DLC1: variants seen among roughly 807,000 people sequenced by gnomAD.
DLC1 encodes the protein rho GTPase-activating protein 7.
DLC1 carries 54 observed loss-of-function variants against 140.3 expected under a neutral mutation model. The observed-to-expected ratio is 0.38, with a 90% confidence interval of 0.31 to 0.48. The LOEUF (loss-of-function observed/expected upper bound fraction) is 0.48, where lower values mean the gene tolerates loss of function less well. Among genes scored for constraint, DLC1 ranks in the 20% least tolerant of loss-of-function variants. The probability of loss-of-function intolerance (pLI) is 0.96; values close to 1 mark genes in which losing one functional copy is unlikely to be tolerated. For missense variants in DLC1, 2,536 were observed against 1,907.0 expected, an observed-to-expected ratio of 1.33 and a Z score of -6.14; for synonymous variants, 986 against 728.1, an observed-to-expected ratio of 1.35 and a Z score of -5.70.
At chr8:13,597,798 G>A (rs1453707131) in intron 1 of DLC1, among the ~76,000 whole-genome samples, 5 of 152,088 alleles carry the variant, frequency 3.3e-5, no homozygotes, top group Non-Finnish European at 7.4e-5. Flanking sequence ...TAACTGCACA[G>A]AAGGACTGAG....
At chr8:13,360,565 G>C (rs1422193249) in intron 4 of DLC1, among the ~76,000 whole-genome samples, 1 of 152,104 alleles carries the variant, frequency 6.6e-6, no homozygotes. Flanking sequence ...CTTGGGCATT[G>C]GGATTGTTAT....
chr8:13,117,999 T>C (rs1285698330), intron 5 of DLC1, among the ~76,000 whole-genome samples: 1 of 122,092 alleles, frequency 8.2e-6, no homozygotes, highest in African/African-American at 2.8e-5. Context: ...CTTCTTGTTC[T>C]CTTTCTTTTT....
At chr8:13,397,704 T>C (rs148188258) in intron 3 of DLC1, among the ~76,000 whole-genome samples, 1 of 151,262 alleles carries the variant, frequency 6.6e-6, no homozygotes, top group East Asian at 1.9e-4. Flanking sequence ...GGCATGGTAA[T>C]GTGCGCTTGT....
chr8:13,587,886 C>G lies in DLC1; in HGVS notation c.-126+16651G>C, dbSNP rs1326907928. On this transcript the variant is annotated intron_variant, in intron 1 of 1. Coordinates refer to the DLC1 transcript ENST00000631382. ...CCCCAATTACTATAACTTTCTCACC[C>G]TTCCCCTCATGGCAGTATGATTTTA... Among the ~76,000 whole-genome samples, 7 of 151,946 alleles carry G rather than the reference C, an allele frequency of 4.6e-5. No individual in the cohort carries two copies. In the East Asian group the frequency reaches 1.3e-3, roughly 29 times the overall value.
intron 4 of DLC1, among the ~76,000 whole-genome samples, chr8:13,372,946 A>G: frequency 6.6e-6 from 1 of 152,206 alleles, no homozygotes. Context: ...GTTGGCTCAG[A>G]GAACAGCAGC....
intron 4 of DLC1, among the ~76,000 whole-genome samples, chr8:13,348,685 A>G (rs1019994895): frequency 2.0e-5 from 3 of 152,224 alleles, no homozygotes; most frequent in Admixed American, 6.5e-5. Flanking sequence ...AAGCCCTCTC[A>G]AAACACATTA....
chr8:13,439,538 A>C (rs940036590), intron 2 of DLC1, among the ~76,000 whole-genome samples: 4 of 152,070 alleles, frequency 2.6e-5, no homozygotes, highest in Admixed American at 2.6e-4. Context: ...CCAATTTCAA[A>C]TGCAATTAGT....
At position 13,286,020 on chromosome 8, in the gene DLC1, C is replaced by T. The variant is rs1011884617; in HGVS notation, c.1348+19249G>A. 3.3e-5 allele frequency among the ~76,000 whole-genome samples: 5 copies of T among 151,982 alleles called. No homozygotes were observed. In the South Asian group the frequency reaches 6.2e-4, roughly 19 times the overall value. On this transcript the variant is annotated intron_variant, in intron 5 of 17. Transcript: ENST00000276297. ...GGGAAATATTTGCACAATAAATATG[C>T]AATACAGTGTTATTATCTGTAATAA... is the stretch of plus-strand genomic sequence containing the variant.
intron 6 of DLC1, among the ~76,000 whole-genome samples, chr8:13,112,738 G>A (rs1585659410): frequency 6.6e-6 from 1 of 152,010 alleles, no homozygotes; most frequent in South Asian, 2.1e-4. Flanking sequence ...ATAGAGATGC[G>A]ATCTCACTAC....
intron 5 of DLC1, among the ~76,000 whole-genome samples, chr8:13,290,982 C>T (rs1831734087): frequency 1.3e-5 from 2 of 152,282 alleles, no homozygotes; most frequent in African/African-American, 4.8e-5. Context: ...GATCTTGGCT[C>T]CCTGCAACCT....
intron 4 of DLC1, among the ~76,000 whole-genome samples, chr8:13,327,120 ATTTTTTTTTTTT>A (rs34667525): frequency 7.0e-5 from 6 of 85,636 alleles, no homozygotes; most frequent in African/African-American, 2.6e-4. Flanking sequence ...ACACCCGGCT[ATTTTTTTTTTTT>A]TTTTTTTTTT....
chr8:13,150,190 G>A (rs999514770), intron 5 of DLC1, among the ~76,000 whole-genome samples: 4 of 152,174 alleles, frequency 2.6e-5, no homozygotes, highest in Non-Finnish European at 5.9e-5. Flanking sequence ...GGTTGCGTCT[G>A]GGGAGGCCCT....
At chr8:13,393,367 G>A (rs1181625951) in intron 4 of DLC1, among the ~76,000 whole-genome samples, 186 bp downstream of exon 4, 1 of 152,288 alleles carries the variant, frequency 6.6e-6, no homozygotes, top group East Asian at 1.9e-4. Flanking sequence ...TGAAGTACTT[G>A]TGTTATCATT....
intron 4 of DLC1, among the ~76,000 whole-genome samples, chr8:13,313,208 G>C (rs56333040): frequency 0.057 from 8,734 of 152,100 alleles, 369 homozygotes; most frequent in Non-Finnish European, 0.091. Flanking sequence ...AATGTGCTCT[G>C]AACACGAGGA....
intron 4 of DLC1, among the ~76,000 whole-genome samples, chr8:13,322,464 C>A (rs990910015): frequency 7.2e-6 from 1 of 138,938 alleles, no homozygotes; most frequent in Non-Finnish European, 1.5e-5. Context: ...TTACTTATAA[C>A]CTTGGATTTC....
chr8:13,148,606 A>T (rs972059523), intron 5 of DLC1, among the ~76,000 whole-genome samples: 1 of 152,122 alleles, frequency 6.6e-6, no homozygotes, highest in Non-Finnish European at 1.5e-5. Flanking sequence ...CAAATGGGAC[A>T]CAGGCATGCT....
In DLC1 at chr8:13,095,092, C is replaced by G. The variant is rs768862470; in HGVS notation, c.3321G>C (p.Leu1107Phe). 3 of 1,614,262 alleles carry G rather than the reference C, an allele frequency of 1.9e-6. No individual in the cohort carries two copies. Among genetic ancestry groups the G allele is most frequent in the Non-Finnish European group, 2.5e-6 (3 of 1,180,048 alleles). The change falls in exon 11 of 18, where the codon TTG (leucine) becomes TTC (phenylalanine). Residue 1107 changes from leucine (L) to phenylalanine (F), a missense_variant. Transcript: ENST00000276297. ...QAMRYLRNHCLDQVGLFRKSG... is the reference protein window; with the variant it reads ...QAMRYLRNHCFDQVGLFRKSG... ...CCGCAGGCAGCGCTCTCACCTGATC[C>G]AAACAATGGTTCCGGAGGTATCGCA...
At chr8:13,186,230 TC>T (rs1189901233) in intron 5 of DLC1, among the ~76,000 whole-genome samples, 2 of 152,206 alleles carry the variant, frequency 1.3e-5, no homozygotes, top group African/African-American at 4.8e-5. Flanking sequence ...CTGGATAATA[TC>T]CTGAAGAGTG....
intron 4 of DLC1, chr8:13,340,505 C>T (rs1375685085): frequency 6.6e-6 from 1 of 152,164 alleles, no homozygotes; most frequent in African/African-American, 2.4e-5. Flanking sequence ...CTGGCCTCAT[C>T]TTTAATTTTT....
Sources: gnomAD v4.1 joint callset for allele counts (sites outside exome capture counted in the v4.1 genomes callset) on GRCh38, gnomAD v4.1.1 for gene constraint, MANE v1.5 for transcripts, NCBI Gene and HGNC (gene_info 2026-07-23, HGNC 2026-07-21) for gene names.